The following BIRC6 variants were observed in gnomAD, a reference collection of about 807,000 sequenced individuals.
The protein encoded by BIRC6 is dual E2 ubiquitin-conjugating enzyme/E3 ubiquitin-protein ligase BIRC6.
In BIRC6, 98 loss-of-function variants were observed where a neutral mutation model predicts 503.3. That is an observed-to-expected ratio of 0.19 (90% CI 0.17 to 0.23). The LOEUF (loss-of-function observed/expected upper bound fraction) is 0.23, where lower values mean the gene tolerates loss of function less well. Among genes scored for constraint, BIRC6 ranks in the 10% least tolerant of loss-of-function variants. The pLI is 1.00. For missense variants in BIRC6, 5,360 were observed against 5,806.0 expected, an observed-to-expected ratio of 0.92 and a Z score of 2.50; for synonymous variants, 2,240 against 2,078.7, an observed-to-expected ratio of 1.08 and a Z score of -2.11.
chr2:32,513,089 G>T lies in BIRC6; in HGVS notation c.10503G>T (p.Leu3501=). The stretch of plus-strand genomic sequence containing the variant: ...ATTTGCACTGTGTAGCAGCCATTCT[G>T]TGGCATAGTTATGAGCTGCTTGTAG... ...PSHLHCVAAI[L]WHSYELLVEY... Residue 3501 remains leucine (L), a synonymous_variant, in exon 54 of 74, where the codon CTG becomes CTT. Coordinates refer to ENST00000421745, the MANE Select transcript of BIRC6 (RefSeq NM_016252.4). 6.2e-7 allele frequency: 1 copy of T among 1,613,906 alleles called. No homozygotes were observed. The highest frequency in any genetic ancestry group is 8.5e-7 in the Non-Finnish European group (1 of 1,179,850).
At chr2:32,530,459 C>T (rs2056642724) in intron 60 of BIRC6, among the ~76,000 whole-genome samples, 1 of 152,218 alleles carries the variant, frequency 6.6e-6, no homozygotes, top group Admixed American at 6.5e-5. Flanking sequence ...TATCTGCCCG[C>T]TTCGGCCTCA....
chr2:32,482,508 G>A lies in BIRC6; in HGVS notation c.7622G>A (p.Gly2541Glu), dbSNP rs1572532677. 6.2e-7 allele frequency: 1 copy of A among 1,613,942 alleles called. No individual in the cohort carries two copies. The highest frequency in any genetic ancestry group is 1.1e-5 in the South Asian group (1 of 91,080). ...YNYNPYIGGL[G>E]IPVAKPPANT... ...TACAACCCTTACATTGGAGGTCTGG[G>A]AATTCCTGTAGCAAAGCCACCAGCA... Residue 2541 changes from glycine to glutamate, a missense_variant, in exon 39 of 74, where the codon GGA becomes GAA. By Grantham distance (98) the Gly-to-Glu change is moderately conservative (BLOSUM62 -2). Coordinates refer to ENST00000421745, the MANE Select transcript of BIRC6 (RefSeq NM_016252.4).
intron 70 of BIRC6, chr2:32,602,668 G>A (rs2062144458): frequency 4.7e-6 from 1 of 211,154 alleles, no homozygotes; most frequent in African/African-American, 2.3e-5. Flanking sequence ...TACACATATT[G>A]AAATACCACA....
chr2:32,499,485 C>T (rs781727890), intron 45 of BIRC6, 62 bp from the exon 46 acceptor site: 97 of 1,372,220 alleles, frequency 7.1e-5, no homozygotes, highest in Middle Eastern at 3.7e-4. Context: ...ATTTTTAATC[C>T]TTTCTCTTGT....
intron 50 of BIRC6, among the ~76,000 whole-genome samples, chr2:32,506,342 G>A (rs1279245733): frequency 6.6e-6 from 1 of 152,142 alleles, no homozygotes; most frequent in East Asian, 1.9e-4. Context: ...TTTTTTCTAT[G>A]TGTTTGCAAG....
chr2:32,515,122 C>A lies in BIRC6; in HGVS notation c.10701C>A (p.Thr3567=), dbSNP rs1572741481. The change falls in exon 55 of 74, where the codon ACC becomes ACA. Residue 3567 remains threonine, a synonymous_variant. Transcript: ENST00000421745. ...TGCTCATGGGCTGGATGGGAATTAC[C>A]CCTCCTCCAGTGCAATGTCATCATA... is the stretch of plus-strand genomic sequence containing the variant. ...FSLLMGWMGI[T]PPPVQCHHRL... 1 of 1,613,894 alleles carries A rather than the reference C, an allele frequency of 6.2e-7. No homozygotes were observed. The highest frequency in any genetic ancestry group is 8.5e-7 in the Non-Finnish European group (1 of 1,179,852).
rs1572642778 is a variant in BIRC6, at chr2:32,500,063, G to A, written c.8985G>A (p.Leu2995=). Residue 2995 remains leucine (L), a synonymous_variant, in exon 46 of 74, where the codon TTG becomes TTA. Coordinates refer to ENST00000421745, the MANE Select transcript of BIRC6 (RefSeq NM_016252.4). ...LANQQIMSQI[L]SALGLCNSSA... The stretch of plus-strand genomic sequence containing the variant: ...ACCAACAAATTATGAGCCAGATTTT[G>A]TCTGCTCTGGGCCTGTGTAATAGCA... 1 of 1,613,832 alleles carries A rather than the reference G, an allele frequency of 6.2e-7. No homozygotes were observed. Among genetic ancestry groups the A allele is most frequent in the Non-Finnish European group, 8.5e-7 (1 of 1,179,796 alleles).
chr2:32,467,601 C>T lies in BIRC6; in HGVS notation c.5433C>T (p.Asp1811=). Residue 1811 remains aspartate (D), a synonymous_variant, in exon 27 of 74, where the codon GAC becomes GAT. Coordinates refer to ENST00000421745, the MANE Select transcript of BIRC6 (RefSeq NM_016252.4). ...ATGTATTGATTCCCACTTGTGGAGACTTGGCCTCTTTGTCAATTGACATTT... is the reference window on the plus strand; with the variant it reads ...ATGTATTGATTCCCACTTGTGGAGATTTGGCCTCTTTGTCAATTGACATTT... ...LTDVLIPTCG[D]LASLSIDIWT... is the part of the protein sequence containing the mutation. 6.2e-7 allele frequency: 1 copy of T among 1,613,890 alleles called. No individual in the cohort carries two copies. Among genetic ancestry groups the T allele is most frequent in the Non-Finnish European group, 8.5e-7 (1 of 1,179,868 alleles).
chr2:32,424,678 A>G (rs1483414140), intron 10 of BIRC6, among the ~76,000 whole-genome samples: 1 of 151,668 alleles, frequency 6.6e-6, no homozygotes, highest in African/African-American at 2.4e-5. Context: ...ACGCCCAGCT[A>G]TTTTTTGTAT....
At chr2:32,603,154 T>C (rs900794704) in intron 71 of BIRC6, 71 bp downstream of exon 71, 121 of 1,163,216 alleles carry the variant, frequency 1.0e-4, no homozygotes, top group Non-Finnish European at 1.4e-4. Flanking sequence ...AAATTTTTAG[T>C]GACCAAGAAT....
intron 55 of BIRC6, among the ~76,000 whole-genome samples, chr2:32,516,011 A>G (rs1227262097): frequency 1.3e-5 from 2 of 152,128 alleles, no homozygotes; most frequent in Non-Finnish European, 2.9e-5. Context: ...TACAACCCTT[A>G]TTTTCAAAAA....
Position 32,443,494 on chromosome 2 carries a change from T to A in BIRC6, c.4242T>A (p.Asn1414Lys). 6.3e-7 allele frequency: 1 copy of A among 1,598,920 alleles called. No homozygotes were observed. The highest frequency in any genetic ancestry group is 8.5e-7 in the Non-Finnish European group (1 of 1,173,296). ...CARFLALCIS[N>K]GKCDPCQPAF... is the part of the protein sequence containing the mutation. ...TTTCTTTTTAAAAATTTTTCAGTAA[T>A]GGCAAATGTGACCCATGTCAACCAG... Residue 1414 changes from asparagine (N) to lysine (K), a missense_variant, in exon 20 of 74, where the codon AAT becomes AAA. Transcript: ENST00000421745.
intron 53 of BIRC6, among the ~76,000 whole-genome samples, chr2:32,512,083 T>C (rs554815572): frequency 6.6e-6 from 1 of 152,312 alleles, no homozygotes; most frequent in Non-Finnish European, 1.5e-5. Flanking sequence ...AACATGAATG[T>C]TTGTTATATA....
At chr2:32,392,376 T>A (rs1206098627) in intron 5 of BIRC6, among the ~76,000 whole-genome samples, 1 of 152,074 alleles carries the variant, frequency 6.6e-6, no homozygotes, top group East Asian at 1.9e-4. Flanking sequence ...TGCCTCAGCC[T>A]CCTTGAGTAG....
chr2:32,614,524 T>C (rs908764039), intron 73 of BIRC6, among the ~76,000 whole-genome samples: 3 of 152,164 alleles, frequency 2.0e-5, no homozygotes, highest in African/African-American at 7.2e-5. Flanking sequence ...TGTTGAGTGC[T>C]ACACAAGAAA....
In BIRC6 at chr2:32,369,966, ATATATATATATATATATATG is replaced by A. The variant is rs1558541515; in HGVS notation, c.326-7618_326-7599del. The stretch of plus-strand genomic sequence containing the variant: ...AAAAAATATATATATATATATATAT[ATATATATATATATATATATG>A]TATGTATGTATGTGTGTGTATATAT... On this transcript the variant is annotated intron_variant, in intron 1 of 73. Coordinates refer to ENST00000421745, the MANE Select transcript of BIRC6 (RefSeq NM_016252.4). Among the ~76,000 whole-genome samples the A allele has an allele frequency of 2.7e-3, 169 of 62,296 alleles. 3 individuals are homozygous for A. The highest frequency in any genetic ancestry group is 8.8e-3 in the African/African-American group (162 of 18,510). 40.9% of individuals were successfully genotyped at this position (62,296 alleles called of 152,430 possible). A position where few individuals can be genotyped will look rare whatever the true frequency, so the allele number is the denominator to read the frequency against.
chr2:32,552,288 C>G (rs754955550), intron 65 of BIRC6, among the ~76,000 whole-genome samples: 1 of 152,180 alleles, frequency 6.6e-6, no homozygotes, highest in African/African-American at 2.4e-5. Context: ...ATACCAGAGT[C>G]TGCTCCTCAT....
Position 32,543,468 on chromosome 2 carries a change from G to T in BIRC6, c.12519G>T (p.Val4173=), listed in dbSNP as rs1337024245. 6.2e-7 allele frequency: 1 copy of T among 1,614,040 alleles called. No homozygotes were observed. The part of the protein sequence containing the change: ...LFLRLPGYAE[V]LLKERKHAQC... ...TTCGTCTTCCGGGCTATGCGGAAGT[G>T]CTACTGAAAGAGAGAAAACATGCCC... is the stretch of plus-strand genomic sequence containing the variant. Residue 4173 remains valine (V), a synonymous_variant, in exon 62 of 74, where the codon GTG becomes GTT. Transcript: ENST00000421745.
intron 23 of BIRC6, among the ~76,000 whole-genome samples, chr2:32,455,987 A>AT (rs1231564004): frequency 1.1e-4 from 17 of 152,264 alleles, no homozygotes; most frequent in African/African-American, 4.1e-4. Context: ...TATTAATATA[A>AT]TATCTATGCG....
Sources: gnomAD v4.1 joint callset for allele counts (sites outside exome capture counted in the v4.1 genomes callset) on GRCh38, gnomAD v4.1.1 for gene constraint, MANE v1.5 for transcripts, NCBI Gene and HGNC (gene_info 2026-07-23, HGNC 2026-07-21) for gene names.